Variants in PRKD2 observed in about 807,000 individuals in gnomAD.
PRKD2 encodes serine/threonine-protein kinase D2.
PRKD2 carries 22 observed loss-of-function variants against 86.0 expected under a neutral mutation model. The ratio of observed to expected loss-of-function variants is 0.26; its 90% CI spans 0.18 to 0.37. PRKD2 has a LOEUF of 0.37. Ranked by LOEUF, PRKD2 falls within the 10% of genes least tolerant of loss-of-function variation. The pLI, the probability that PRKD2 is intolerant of heterozygous loss-of-function variation, is 1.00. For synonymous variants in PRKD2, 509 were observed against 510.9 expected (o/e 1.00, Z 0.05); for missense variants, 818 against 1,199.2 (o/e 0.68, Z 4.70).
intron 15 of PRKD2, among the ~76,000 whole-genome samples, chr19:46,681,063 C>T (rs2053298516): frequency 6.7e-6 from 1 of 149,498 alleles, no homozygotes. Flanking sequence ...ATGCCATTCT[C>T]CTAACTCAGC....
chr19:46,681,592 C>T (rs1336434600), intron 15 of PRKD2, 58 bp downstream of exon 15: 1 of 734,636 alleles, frequency 1.4e-6, no homozygotes, highest in East Asian at 3.2e-5. Flanking sequence ...TTCCCCACCC[C>T]CACCCCGGCC....
Position 46,693,881 on chromosome 19 carries a change from G to A in PRKD2, c.1570C>T (p.Pro524Ser). The part of the protein sequence containing the change: ...QDAPSAPGHA[P>S]HRQASLSISV... ...CCGAGGTGGGAGGACTTACTGTGGG[G>A]CGCGTGGCCTGGGGCGCTGGGTGCG... Residue 524 changes from proline to serine, a missense_variant, in exon 10 of 18, where the codon CCC (proline) becomes TCC (serine). This residue lies in a region of PRKD2 where 154 missense variants were observed against 359.6 expected (regional missense o/e 0.43). Coordinates refer to ENST00000291281, the MANE Select transcript of PRKD2 (RefSeq NM_016457.5). This position sits in a 1 kb window ranked among gnomAD's most constrained non-coding sequence, Gnocchi z 4.5. The A allele has an allele frequency of 1.3e-6, 2 of 1,596,046 alleles. No homozygotes were observed. Among genetic ancestry groups the A allele is most frequent in the Non-Finnish European group, 1.7e-6 (2 of 1,171,970 alleles).
At chr19:46,697,971 T>G (rs1333072033) in intron 7 of PRKD2, 121 bp from the exon 8 acceptor site, 17 of 792,478 alleles carry the variant, frequency 2.1e-5, no homozygotes, top group Non-Finnish European at 4.2e-6. Context: ...GTTTGGTTTG[T>G]TTTGACATTT....
chr19:46,704,241 T>C lies in PRKD2; in HGVS notation c.817A>G (p.Thr273Ala). Residue 273 changes from threonine to alanine, a missense_variant, in exon 5 of 18, where the codon ACA (threonine) becomes GCA (alanine). Coordinates refer to ENST00000291281, the MANE Select transcript of PRKD2 (RefSeq NM_016457.5). ...CAAGCCTGGCAAACGGTGGGCCGTG[T>C]ATAGCTGTGGATGAGGAAGGTGTGC... is the stretch of plus-strand genomic sequence containing the variant. ...VPHTFLIHSY[T>A]RPTVCQACKK... The C allele has an allele frequency of 6.2e-7, 1 of 1,614,190 alleles. No individual in the cohort carries two copies. The highest frequency in any genetic ancestry group is 8.5e-7 in the Non-Finnish European group (1 of 1,180,016).
Position 46,692,090 on chromosome 19 carries a change from C to T in PRKD2, c.1577-105G>A. ...GGAGTCAGGCCACCCAGATTTGAAT[C>T]CAATGTTCGATACAATGTGCAACTT... On this transcript the variant is annotated intron_variant, in intron 10 of 17. Transcript: ENST00000291281. 3.6e-6 allele frequency: 4 copies of T among 1,123,668 alleles called. No individual in the cohort carries two copies. In the South Asian group the frequency reaches 5.1e-5, roughly 14 times the overall value. 69.6% of individuals were successfully genotyped at this position (1,123,668 alleles called of 1,614,324 possible). A position where few individuals can be genotyped will look rare whatever the true frequency, so the allele number is the denominator to read the frequency against.
At chr19:46,675,139 G>A (rs1330855120) in intron 16 of PRKD2, 21 bp from the exon 17 acceptor site, 2 of 1,597,248 alleles carry the variant, frequency 1.3e-6, no homozygotes, top group Non-Finnish European at 1.7e-6. Context: ...AAGAGAAACA[G>A]GTCAAGCCCT....
At chr19:46,705,927 A>G (rs1193844282) in intron 3 of PRKD2, among the ~76,000 whole-genome samples, 1 of 152,190 alleles carries the variant, frequency 6.6e-6, no homozygotes. Flanking sequence ...GCACAATCAT[A>G]GCTCACTGCA....
chr19:46,690,723 A>T lies in PRKD2; in HGVS notation c.1703-17T>A. The stretch of plus-strand genomic sequence containing the variant: ...GGTGTTTTCCTGCACAGGGAGTAGA[A>T]GAGATGGGGGATGAGAGAGCAAGAC... On this transcript the variant is annotated splice_polypyrimidine_tract_variant and intron_variant, in intron 12 of 17. Coordinates refer to ENST00000291281, the MANE Select transcript of PRKD2 (RefSeq NM_016457.5). 6.2e-7 allele frequency: 1 copy of T among 1,610,230 alleles called. No homozygotes were observed. The highest frequency in any genetic ancestry group is 2.2e-5 in the East Asian group (1 of 44,834).
In PRKD2 at chr19:46,675,111, G is replaced by C. The variant is rs1482366933; in HGVS notation, c.2346C>G (p.Asp782Glu). The C allele has an allele frequency of 6.2e-7, 1 of 1,609,504 alleles. No individual in the cohort carries two copies. Among genetic ancestry groups the C allele is most frequent in the African/African-American group, 1.3e-5 (1 of 74,886 alleles). Residue 782 changes from aspartate to glutamate, a missense_variant, in exon 17 of 18, where the codon GAC becomes GAG. Asp to Glu is a conservative substitution (Grantham distance 45). This residue lies in a region of PRKD2 where 132 missense variants were observed against 146.2 expected (regional missense o/e 0.90). Coordinates refer to ENST00000291281, the MANE Select transcript of PRKD2 (RefSeq NM_016457.5). ...PWSHISAGAI[D>E]LINNLLQVKM... ...TCACCTGCAGCAGGTTGTTGATGAGGTCAATGGCTGCACAGGAAAGAGAAA... is the reference window on the plus strand; with the variant it reads ...TCACCTGCAGCAGGTTGTTGATGAGCTCAATGGCTGCACAGGAAAGAGAAA...
intron 14 of PRKD2, among the ~76,000 whole-genome samples, chr19:46,683,490 G>A (rs1166853921): frequency 6.6e-6 from 1 of 152,144 alleles, no homozygotes; most frequent in Non-Finnish European, 1.5e-5. Context: ...GGAAGGCTGA[G>A]GCAGGTGGAT....
At position 46,697,782 on chromosome 19, in the gene PRKD2, G is replaced by T. The variant is rs1568728189; in HGVS notation, c.1190C>A (p.Thr397Asn). The T allele has an allele frequency of 6.2e-7, 1 of 1,614,114 alleles. No homozygotes were observed. Among genetic ancestry groups the T allele is most frequent in the Non-Finnish European group, 8.5e-7 (1 of 1,180,012 alleles). Reference sequence around the variant, plus strand: ...AACCACCCAACCCTCCCGCAGCGTGGTGCTGGATTTCCGCGTCGTGTGTCG... The same window carrying T: ...AACCACCCAACCCTCCCGCAGCGTGTTGCTGGATTTCCGCGTCGTGTGTCG... ...SVRHTTRKSS[T>N]TLREGWVVHY... The change falls in exon 8 of 18, where the codon ACC becomes AAC. Residue 397 changes from threonine (T) to asparagine (N), a missense_variant. This residue lies in a region of PRKD2 where 127 missense variants were observed against 157.8 expected (regional missense o/e 0.80). Coordinates refer to ENST00000291281, the MANE Select transcript of PRKD2 (RefSeq NM_016457.5).
Position 46,704,609 on chromosome 19 carries a change from G to A in PRKD2, c.552C>T (p.Ile184=), listed in dbSNP as rs73565155. 4.7e-4 allele frequency: 759 copies of A among 1,613,460 alleles called. 3 individuals carry two copies. In the African/African-American group the frequency reaches 7.9e-3, roughly 17 times the overall value. The change falls in exon 4 of 18, where the codon ATC becomes ATT. Residue 184 remains isoleucine, a synonymous_variant. Transcript: ENST00000291281. ...LNYHKRCAFS[I]PNNCSGARKR... Reference sequence around the variant, plus strand: ...TGCGGGCCCCACTACAGTTGTTGGGGATGCTGAAGGCACAGCGCTTGTGGT... The same window carrying A: ...TGCGGGCCCCACTACAGTTGTTGGGAATGCTGAAGGCACAGCGCTTGTGGT...
rs1305257307 is a variant in PRKD2 at position 46,716,500 on chromosome 19, T to A, written c.-130A>T. 5.7e-6 allele frequency: 3 copies of A among 528,098 alleles called. No homozygotes were observed. Among genetic ancestry groups the A allele is most frequent in the Non-Finnish European group, 9.7e-6 (3 of 309,726 alleles). The allele number at this position is 528,098 out of a possible 1,614,324, so 32.7% of individuals were successfully genotyped here. On this transcript the variant is annotated 5_prime_UTR_variant, in exon 1 of 18. Transcript: ENST00000291281. The surrounding 1 kb of genome is among the most constrained non-coding windows in gnomAD (Gnocchi z 7.9). ...GGGAGAGCGGGGATCCGAGAAAAGA[T>A]CTGGCAGGCGGAGGGGACCTGAGGA...
At chr19:46,695,606 C>T (rs189707703) in intron 9 of PRKD2, among the ~76,000 whole-genome samples, 44 of 152,324 alleles carry the variant, frequency 2.9e-4, no homozygotes, top group African/African-American at 1.0e-3. Flanking sequence ...GAGCATCATC[C>T]GCTTGTGTGC....
At chr19:46,699,524 C>T (rs2053607612) in intron 7 of PRKD2, among the ~76,000 whole-genome samples, 1 of 152,176 alleles carries the variant, frequency 6.6e-6, no homozygotes, top group Non-Finnish European at 1.5e-5. Context: ...GGGGTAGGTA[C>T]CTCATCGCCC....
intron 14 of PRKD2, among the ~76,000 whole-genome samples, chr19:46,687,602 TGAA>T (rs2053420676): frequency 6.6e-6 from 1 of 152,176 alleles, no homozygotes; most frequent in Non-Finnish European, 1.5e-5. Flanking sequence ...CAGGTTACTA[TGAA>T]GATTAAATGA....
intron 16 of PRKD2, among the ~76,000 whole-genome samples, chr19:46,676,081 C>A (rs2053197033): frequency 6.6e-6 from 1 of 152,150 alleles, no homozygotes; most frequent in Non-Finnish European, 1.5e-5. Context: ...TTTCAATTTA[C>A]AATGGGCAAT....
intron 7 of PRKD2, among the ~76,000 whole-genome samples, chr19:46,700,097 G>A (rs1169186429): frequency 1.8e-5 from 1 of 54,220 alleles, no homozygotes; most frequent in Admixed American, 1.8e-4. Context: ...AAGTAGCTGG[G>A]CCTGGGCGGG....
chr19:46,697,769 C>A lies in PRKD2; in HGVS notation c.1203G>T (p.Glu401Asp). Residue 401 changes from glutamate (E) to aspartate (D), a missense_variant, in exon 8 of 18, where the codon GAG (glutamate) becomes GAT (aspartate). Glu to Asp is a conservative substitution (Grantham distance 45). Coordinates refer to ENST00000291281, the MANE Select transcript of PRKD2 (RefSeq NM_016457.5). ...TTRKSSTTLR[E>D]GWVVHYSNKD... is the part of the protein sequence containing the mutation. ...TGTTGCTGTAATGAACCACCCAACC[C>A]TCCCGCAGCGTGGTGCTGGATTTCC... is the stretch of plus-strand genomic sequence containing the variant. 1 of 1,614,120 alleles carries A rather than the reference C, an allele frequency of 6.2e-7. No individual in the cohort carries two copies. The highest frequency in any genetic ancestry group is 8.5e-7 in the Non-Finnish European group (1 of 1,180,016).
Sources: allele counts gnomAD v4.1 joint callset (sites outside exome capture counted in the v4.1 genomes callset), GRCh38; gene constraint gnomAD v4.1.1; regional missense constraint gnomAD v4.1.1; non-coding constraint Gnocchi (gnomAD v3.1); transcripts MANE v1.5; gene names NCBI Gene and HGNC (gene_info 2026-07-23, HGNC 2026-07-21).